Variants in WDR93 observed in about 807,000 individuals in gnomAD.
The protein encoded by WDR93 is WD repeat domain 93.
Under a neutral mutation model 82.9 loss-of-function variants are expected in WDR93, and 73 were observed. That is an observed-to-expected ratio of 0.88 (90% CI 0.73 to 1.07). The LOEUF is 1.07. Ranked by LOEUF, WDR93 falls within the 50% of genes least tolerant of loss-of-function variation. The pLI, the probability that WDR93 is intolerant of heterozygous loss-of-function variation, is 0.00. For missense variants in WDR93, 738 were observed against 826.0 expected, an observed-to-expected ratio of 0.89 and a Z score of 1.31; for synonymous variants, 283 against 300.1, an observed-to-expected ratio of 0.94 and a Z score of 0.59.
chr15:89,709,421 T>G (rs916729831), intron 4 of WDR93, among the ~76,000 whole-genome samples: 2 of 151,946 alleles, frequency 1.3e-5, no homozygotes, highest in African/African-American at 4.8e-5. Context: ...TGCAAACTGC[T>G]AATAAAGGCC....
At chr15:89,705,288 G>A in intron 3 of WDR93, 1 of 468,148 alleles carries the variant, frequency 2.1e-6, no homozygotes. Context: ...GATGGATGTA[G>A]CCCATGTCTT....
intron 3 of WDR93, chr15:89,705,331 A>AGACGTCTGGGAGATGCCTATGCTG: frequency 1.8e-6 from 1 of 546,668 alleles, no homozygotes; most frequent in African/African-American, 1.9e-5. Context: ...CGGTGGAGCC[A>AGACGTCTGGGAGATGCCTATGCTG]GGGTAGGTGG....
chr15:89,701,003 CACAG>C (rs894327048), intron 1 of WDR93, among the ~76,000 whole-genome samples: 1 of 149,004 alleles, frequency 6.7e-6, no homozygotes, highest in African/African-American at 2.5e-5. Flanking sequence ...CACACACACA[CACAG>C]AGTGGAGCTA....
At chr15:89,707,709 G>C (rs1965786073) in intron 4 of WDR93, among the ~76,000 whole-genome samples, 1 of 152,226 alleles carries the variant, frequency 6.6e-6, no homozygotes, top group Admixed American at 6.5e-5. Flanking sequence ...TGGTGGTAAA[G>C]TATAATAGTA....
intron 12 of WDR93, among the ~76,000 whole-genome samples, chr15:89,732,751 T>C (rs1895623938): frequency 6.6e-6 from 1 of 152,162 alleles, no homozygotes; most frequent in South Asian, 2.1e-4. Flanking sequence ...ACTCCAGTGC[T>C]GACCCTGCCC....
At chr15:89,740,717 G>A (rs1967601563) in intron 16 of WDR93, among the ~76,000 whole-genome samples, 1 of 152,088 alleles carries the variant, frequency 6.6e-6, no homozygotes, top group Non-Finnish European at 1.5e-5. Flanking sequence ...GGCCAGGCTG[G>A]TCTCGAACTA....
intron 7 of WDR93, 82 bp from the exon 8 acceptor site, chr15:89,721,973 C>A: frequency 1.1e-6 from 1 of 942,922 alleles, no homozygotes; most frequent in Non-Finnish European, 1.6e-6. Context: ...TTCTTTTCCA[C>A]CTTCTTTTAA....
At chr15:89,695,463 C>T (rs1965122956) in intron 1 of WDR93, among the ~76,000 whole-genome samples, 1 of 152,108 alleles carries the variant, frequency 6.6e-6, no homozygotes, top group Non-Finnish European at 1.5e-5. Context: ...GCCTGCTGAG[C>T]TGCTAGAATT....
intron 3 of WDR93, chr15:89,704,108 T>A (rs994425585): frequency 6.6e-6 from 1 of 150,620 alleles, no homozygotes; most frequent in African/African-American, 2.4e-5. Context: ...GTGGATCACT[T>A]GAGGTCAGGA....
intron 15 of WDR93, 56 bp from the exon 16 acceptor site, chr15:89,737,985 G>C: frequency 6.5e-7 from 1 of 1,538,292 alleles, no homozygotes; most frequent in Non-Finnish European, 8.8e-7. Context: ...CTGGACCACA[G>C]AGCCCACTGA....
intron 16 of WDR93, 106 bp from the exon 17 acceptor site, chr15:89,743,186 C>T (rs1404424820): frequency 9.0e-7 from 1 of 1,108,058 alleles, no homozygotes. Context: ...GGTGTGTCCT[C>T]TTAGAGTTTC....
chr15:89,735,648 C>T, intron 14 of WDR93, 95 bp downstream of exon 14: 2 of 1,316,620 alleles, frequency 1.5e-6, no homozygotes, highest in Non-Finnish European at 2.2e-6. Context: ...TTATTGAAGG[C>T]CTGTTATGTG....
chr15:89,710,822 A>T (rs1279037302), intron 4 of WDR93, among the ~76,000 whole-genome samples: 2 of 152,224 alleles, frequency 1.3e-5, no homozygotes, highest in African/African-American at 4.8e-5. Context: ...CAGTATTCTG[A>T]AAACTGATAA....
At chr15:89,739,794 C>T (rs912121142) in intron 16 of WDR93, among the ~76,000 whole-genome samples, 2 of 152,168 alleles carry the variant, frequency 1.3e-5, no homozygotes, top group African/African-American at 4.8e-5. Context: ...CTCCAATCAC[C>T]ATAATGTCTC....
At chr15:89,711,413 C>G (rs1008452188) in intron 4 of WDR93, among the ~76,000 whole-genome samples, 1 of 151,712 alleles carries the variant, frequency 6.6e-6, no homozygotes, top group African/African-American at 2.4e-5. Context: ...ATAATCCTAG[C>G]ACTTTGAGAG....
chr15:89,702,548 T>G (rs1965519021), intron 2 of WDR93, among the ~76,000 whole-genome samples: 1 of 18,864 alleles, frequency 5.3e-5, no homozygotes, highest in Non-Finnish European at 1.2e-4. Flanking sequence ...TTTTTTGGGG[T>G]TTTTTTTTGA....
intron 15 of WDR93, 129 bp downstream of exon 15, chr15:89,737,858 C>A: frequency 7.2e-7 from 1 of 1,394,548 alleles, no homozygotes; most frequent in Non-Finnish European, 9.8e-7. Context: ...AAGGGTACCG[C>A]AGCTCAGTCC....
At position 89,705,572 on chromosome 15, in the gene WDR93, A is replaced by G; in HGVS notation, c.515A>G (p.Tyr172Cys). The change falls in exon 4 of 17, where the codon TAT becomes TGT. Residue 172 changes from tyrosine (Y) to cysteine (C), a missense_variant. Coordinates refer to ENST00000268130, the MANE Select transcript of WDR93 (RefSeq NM_020212.2). ...GTTTCAGGTATCATTAGACTCTTTT[A>G]TTTTTATAAGGAAGGACTTTACCTA... is the stretch of plus-strand genomic sequence containing the variant. ...VDEMGIIRLF[Y>C]FYKEGLYLVK... The G allele has an allele frequency of 6.4e-7, 1 of 1,556,840 alleles. No individual in the cohort carries two copies. Among genetic ancestry groups the G allele is most frequent in the Non-Finnish European group, 8.9e-7 (1 of 1,127,828 alleles).
At chr15:89,716,342 A>G (rs1966253534) in intron 6 of WDR93, among the ~76,000 whole-genome samples, 1 of 152,232 alleles carries the variant, frequency 6.6e-6, no homozygotes, top group South Asian at 2.1e-4. Context: ...TGTTAAGATC[A>G]TACCTTCTGC....
Sources: allele counts gnomAD v4.1 joint callset (sites outside exome capture counted in the v4.1 genomes callset), GRCh38; gene constraint gnomAD v4.1.1; transcripts MANE v1.5; gene names NCBI Gene and HGNC (gene_info 2026-07-23, HGNC 2026-07-21).